The following CCR7 variants were observed in gnomAD, a reference collection of about 807,000 sequenced individuals.
CCR7 encodes the protein C-C motif chemokine receptor 7.
A neutral mutation model predicts 26.0 loss-of-function variants in CCR7; 11 were observed. The observed-to-expected ratio is 0.42, with a 90% CI of 0.27 to 0.70. CCR7 has a LOEUF of 0.70. Among genes scored for constraint, CCR7 ranks in the 30% least tolerant of loss-of-function variants. The probability of loss-of-function intolerance (pLI) is 0.23; values close to 1 mark genes in which losing one functional copy is unlikely to be tolerated. For synonymous variants in CCR7, 189 were observed against 202.1 expected, an observed-to-expected ratio of 0.94 and a Z score of 0.55; for missense variants, 360 against 504.0, an observed-to-expected ratio of 0.71 and a Z score of 2.74.
Position 40,554,904 on chromosome 17 carries a change from C to T in CCR7, c.975G>A (p.Leu325=), listed in dbSNP as rs2036564228. ...ACVRCCVNPF[L]YAFIGVKFRN... is the part of the protein sequence containing the mutation. ...GGAACTTGACGCCGATGAAGGCGTA[C>T]AAGAAAGGGTTGACGCAGCAGCGGA... The change falls in exon 3 of 3, where the codon TTG becomes TTA. Residue 325 remains leucine, a synonymous_variant. Transcript: ENST00000246657. 1 of 1,614,156 alleles carries T rather than the reference C, an allele frequency of 6.2e-7. No homozygotes were observed. The highest frequency in any genetic ancestry group is 2.2e-5 in the East Asian group (1 of 44,874).
chr17:40,560,091 AG>A (rs1224112387), intron 1 of CCR7, among the ~76,000 whole-genome samples: 15 of 152,208 alleles, frequency 9.9e-5, no homozygotes, highest in Non-Finnish European at 1.9e-4. Context: ...GTGTAGCACA[AG>A]GCCCAGATGT....
intron 1 of CCR7, among the ~76,000 whole-genome samples, chr17:40,564,261 C>T (rs1337708255): frequency 6.6e-6 from 1 of 152,226 alleles, no homozygotes; most frequent in Non-Finnish European, 1.5e-5. Context: ...AGCACCTGAA[C>T]CTGCCTTTCA....
At chr17:40,561,217 G>A (rs567425686) in intron 1 of CCR7, among the ~76,000 whole-genome samples, 1 of 152,328 alleles carries the variant, frequency 6.6e-6, no homozygotes, top group Admixed American at 6.5e-5. Flanking sequence ...TGCTGTTCCC[G>A]TCAGGGGAGG....
Position 40,558,943 on chromosome 17 carries a change from C to G in CCR7, c.11-1G>C. On this transcript the variant is annotated splice_acceptor_variant, in intron 1 of 2. Coordinates refer to ENST00000246657, the MANE Select transcript of CCR7 (RefSeq NM_001838.4). LOFTEE classifies it high-confidence loss of function. ...ACCAGCACGCTTTTCATTGGTTTCC[C>G]TGTAGGAGACAAGGCGAGAAAGTTA... 6.2e-7 allele frequency: 1 copy of G among 1,609,184 alleles called. No individual in the cohort carries two copies. Among genetic ancestry groups the G allele is most frequent in the Non-Finnish European group, 8.5e-7 (1 of 1,178,200 alleles).
chr17:40,563,417 A>T (rs2036673952), intron 1 of CCR7, among the ~76,000 whole-genome samples: 1 of 152,304 alleles, frequency 6.6e-6, no homozygotes, highest in Non-Finnish European at 1.5e-5. Flanking sequence ...TTTGAGAATT[A>T]TGAAAGATCT....
In CCR7 at chr17:40,555,026, C is replaced by T. The variant is rs1211106083; in HGVS notation, c.853G>A (p.Ala285Thr). The change falls in exon 3 of 3, where the codon GCC becomes ACC. Residue 285 changes from alanine to threonine, a missense_variant. Transcript: ENST00000246657. The surrounding 1 kb of genome is among the most constrained non-coding windows in gnomAD (Gnocchi z 5.6). ...FQLPYNGVVL[A>T]QTVANFNITS... ...ATGTTGAAGTTGGCCACCGTCTGGGCCAGGACCACCCCATTGTAGGGCAGC... is the reference window on the plus strand; with the variant it reads ...ATGTTGAAGTTGGCCACCGTCTGGGTCAGGACCACCCCATTGTAGGGCAGC... The T allele has an allele frequency of 6.2e-7, 1 of 1,614,180 alleles. No homozygotes were observed.
At chr17:40,563,185 C>T (rs1250112443) in intron 1 of CCR7, among the ~76,000 whole-genome samples, 1 of 152,198 alleles carries the variant, frequency 6.6e-6, no homozygotes, top group African/African-American at 2.4e-5. Context: ...CTGGTCATCC[C>T]TGAATCCCTC....
rs2036562682 is a variant in CCR7, at chr17:40,554,847, C to G, written c.1032G>C (p.Leu344=). 6.2e-7 allele frequency: 1 copy of G among 1,614,070 alleles called. No homozygotes were observed. The highest frequency in any genetic ancestry group is 1.3e-5 in the African/African-American group (1 of 74,934). The change falls in exon 3 of 3, where the codon CTG becomes CTC. Residue 344 remains leucine, a synonymous_variant. Coordinates refer to ENST00000246657, the MANE Select transcript of CCR7 (RefSeq NM_001838.4). ...RNDLFKLFKD[L]GCLSQEQLRQ... is the part of the protein sequence containing the mutation. ...GGAGCTGCTCCTGGCTGAGGCAGCC[C>G]AGGTCCTTGAAGAGCTTGAAGAGAT...
At chr17:40,563,898 A>G (rs144686502) in intron 1 of CCR7, among the ~76,000 whole-genome samples, 2,448 of 152,144 alleles carry the variant, frequency 0.016, 34 homozygotes, top group South Asian at 0.059. Flanking sequence ...AATTTACACC[A>G]TGGAAATTGG....
At chr17:40,557,188 C>A (rs780708958) in intron 2 of CCR7, among the ~76,000 whole-genome samples, 1 of 152,174 alleles carries the variant, frequency 6.6e-6, no homozygotes, top group Non-Finnish European at 1.5e-5. Flanking sequence ...TCTGCAGGGT[C>A]GGGTGAAGGT....
In CCR7 at chr17:40,553,871, G is replaced by T. The variant is rs1022724959; in HGVS notation, c.*871C>A. 6.6e-6 allele frequency: 1 copy of T among 152,104 alleles called. No homozygotes were observed. 9.4% of individuals were successfully genotyped at this position (152,104 alleles called of 1,614,324 possible). A position where few individuals can be genotyped will look rare whatever the true frequency, so the allele number is the denominator to read the frequency against. ...GTGGGTAAAATGTTGCTCTCTTAAC[G>T]AATCGAAAGCAGAACATGAGGAGAG... On this transcript the variant is annotated 3_prime_UTR_variant, in exon 3 of 3. Coordinates refer to ENST00000246657, the MANE Select transcript of CCR7 (RefSeq NM_001838.4).
At position 40,555,143 on chromosome 17, in the gene CCR7, T is replaced by C. The variant is rs1208984488; in HGVS notation, c.736A>G (p.Ile246Val). 1.2e-6 allele frequency: 2 copies of C among 1,614,004 alleles called. No homozygotes were observed. The highest frequency in any genetic ancestry group is 2.2e-5 in the East Asian group (1 of 44,884). ...CGTGCCTGGAGCAGGGTGCGGATGA[T>C]GACAAGGTAACAGAAGCTCATGGCC... is the stretch of plus-strand genomic sequence containing the variant. Reference protein sequence around the residue: ...LLAMSFCYLVIIRTLLQARNF... With the variant: ...LLAMSFCYLVVIRTLLQARNF... The change falls in exon 3 of 3, where the codon ATC (isoleucine) becomes GTC (valine). Residue 246 changes from isoleucine (I) to valine (V), a missense_variant. Ile to Val is a conservative substitution (Grantham distance 29). Coordinates refer to ENST00000246657, the MANE Select transcript of CCR7 (RefSeq NM_001838.4). The surrounding 1 kb of genome is among the most constrained non-coding windows in gnomAD (Gnocchi z 5.6).
At position 40,554,609 on chromosome 17, in the gene CCR7, T is replaced by C. The variant is rs1283970422; in HGVS notation, c.*133A>G. 2.8e-6 allele frequency: 2 copies of C among 720,892 alleles called. No individual in the cohort carries two copies. Among genetic ancestry groups the C allele is most frequent in the Admixed American group, 4.7e-5 (2 of 42,734 alleles). 44.7% of individuals were successfully genotyped at this position (720,892 alleles called of 1,614,324 possible). ...GAAGCTATCTTCTGGAGCAGGGGCT[T>C]GCACTCTGAGGGGAGAGCTGCTTTT... is the stretch of plus-strand genomic sequence containing the variant. On this transcript the variant is annotated 3_prime_UTR_variant, in exon 3 of 3. Transcript: ENST00000246657.
chr17:40,559,954 C>T (rs1391088694), intron 1 of CCR7, among the ~76,000 whole-genome samples: 2 of 152,014 alleles, frequency 1.3e-5, no homozygotes, highest in African/African-American at 2.4e-5. Flanking sequence ...CACTTTCTCT[C>T]CTTTAACTTG....
Position 40,554,561 on chromosome 17 carries a change from G to T in CCR7, c.*181C>A. The T allele has an allele frequency of 1.6e-6, 1 of 642,582 alleles. No homozygotes were observed. Among genetic ancestry groups the T allele is most frequent in the Non-Finnish European group, 2.8e-6 (1 of 361,786 alleles). The allele number at this position is 642,582 out of a possible 1,614,324, so 39.8% of individuals were successfully genotyped here. ...TCAGCCCTGTCTTTTTTTGGCATTG[G>T]TTGAGGTAGCTGGGATTGGGGTGAA... On this transcript the variant is annotated 3_prime_UTR_variant, in exon 3 of 3. Coordinates refer to ENST00000246657, the MANE Select transcript of CCR7 (RefSeq NM_001838.4).
chr17:40,562,674 A>T (rs935677944), intron 1 of CCR7, among the ~76,000 whole-genome samples: 4 of 152,044 alleles, frequency 2.6e-5, no homozygotes, highest in Non-Finnish European at 5.9e-5. Flanking sequence ...CGTTTTAAGG[A>T]TTGGGTCTCC....
intron 1 of CCR7, among the ~76,000 whole-genome samples, chr17:40,563,303 A>G (rs1265853183): frequency 6.6e-6 from 1 of 152,192 alleles, no homozygotes; most frequent in East Asian, 1.9e-4. Flanking sequence ...TCTGGCAGGC[A>G]AGAAACTGGC....
intron 1 of CCR7, 142 bp from the exon 2 acceptor site, chr17:40,559,084 C>G (rs1469936269): frequency 7.5e-6 from 5 of 671,054 alleles, no homozygotes; most frequent in Admixed American, 2.8e-5. Flanking sequence ...ACATCAGAAC[C>G]AGATTGTGCC....
At position 40,555,426 on chromosome 17, in the gene CCR7, G is replaced by A. The variant is rs200827921; in HGVS notation, c.453C>T (p.Ser151=). The A allele has an allele frequency of 6.2e-7, 1 of 1,613,942 alleles. No homozygotes were observed. Among genetic ancestry groups the A allele is most frequent in the African/African-American group, 1.3e-5 (1 of 75,042 alleles). ...FSGMLLLLCI[S]IDRYVAIVQA... ...GGACGATGGCCACGTAGCGGTCAAT[G>A]CTGATGCAAAGAAGTAGGAGCATGC... Residue 151 remains serine, a synonymous_variant, in exon 3 of 3, where the codon AGC becomes AGT. Coordinates refer to ENST00000246657, the MANE Select transcript of CCR7 (RefSeq NM_001838.4). The surrounding 1 kb of genome is among the most constrained non-coding windows in gnomAD (Gnocchi z 5.6).
Sources: gnomAD v4.1 joint callset for allele counts (sites outside exome capture counted in the v4.1 genomes callset) on GRCh38, gnomAD v4.1.1 for gene constraint, Gnocchi (gnomAD v3.1) non-coding constraint, MANE v1.5 for transcripts, NCBI Gene and HGNC (gene_info 2026-07-23, HGNC 2026-07-21) for gene names.